POLE: variants seen among roughly 807,000 people sequenced by gnomAD.
POLE encodes DNA polymerase epsilon catalytic subunit A.
POLE carries 188 observed loss-of-function variants against 279.2 expected under a neutral mutation model. The observed-to-expected ratio is 0.67, with a 90% CI of 0.60 to 0.76. The LOEUF (loss-of-function observed/expected upper bound fraction) is 0.76. POLE is among the 30% of genes least tolerant of loss of function. The pLI is 0.00. For missense variants in POLE, 2,703 were observed against 3,016.7 expected (o/e 0.90, Z 2.44); for synonymous variants, 1,214 against 1,172.5 (o/e 1.04, Z -0.72).
intron 45 of POLE, among the ~76,000 whole-genome samples, chr12:132,628,327 G>A (rs1009129836): frequency 2.7e-5 from 4 of 148,374 alleles, no homozygotes; most frequent in Admixed American, 6.8e-5. Flanking sequence ...GCGAGAGTGC[G>A]AGACTCCATC....
At chr12:132,663,643 G>T (rs2042726642) in intron 23 of POLE, among the ~76,000 whole-genome samples, 2 of 152,172 alleles carry the variant, frequency 1.3e-5, no homozygotes, top group South Asian at 4.1e-4. Context: ...CAGTTACTGG[G>T]GCACAGACAT....
rs2042674059 is a variant in POLE, at chr12:132,661,204, A to G, written c.2865-40T>C. On this transcript the variant is annotated intron_variant, in intron 24 of 48. Transcript: ENST00000320574. The surrounding 1 kb of genome is among the most constrained non-coding windows in gnomAD (Gnocchi z 4.1). ...AAAGGCAAGCACAGCAGTGGCAAGG[A>G]GCGCTGGGGAGCCACCAGCTGTGCC... The G allele has an allele frequency of 6.6e-7, 1 of 1,521,068 alleles. No homozygotes were observed. Among genetic ancestry groups the G allele is most frequent in the Non-Finnish European group, 8.8e-7 (1 of 1,130,264 alleles). 94.2% of individuals were successfully genotyped at this position (1,521,068 alleles called of 1,614,324 possible). A position where few individuals can be genotyped will look rare whatever the true frequency, so the allele number is the denominator to read the frequency against.
intron 44 of POLE, 78 bp from the exon 45 acceptor site, chr12:132,632,586 C>G (rs1430900339): frequency 6.2e-7 from 1 of 1,608,426 alleles, no homozygotes; most frequent in African/African-American, 1.3e-5. Flanking sequence ...GGACTGGCAC[C>G]GGGGACCACC....
chr12:132,686,819 C>T (rs1255681186), intron 1 of POLE, among the ~76,000 whole-genome samples: 1 of 152,110 alleles, frequency 6.6e-6, no homozygotes, highest in Non-Finnish European at 1.5e-5. Flanking sequence ...GCGATCCGCC[C>T]GCCTCGGCCT....
At chr12:132,630,720 C>CA (rs1473281071) in intron 45 of POLE, among the ~76,000 whole-genome samples, 11 of 151,826 alleles carry the variant, frequency 7.2e-5, no homozygotes, top group Admixed American at 3.9e-4. Flanking sequence ...TCTCCATCTC[C>CA]AAAAAAAAGC....
intron 25 of POLE, 36 bp downstream of exon 25, chr12:132,660,933 C>G (rs2138687773): frequency 6.6e-7 from 1 of 1,521,396 alleles, no homozygotes; most frequent in Non-Finnish European, 8.8e-7. Context: ...ATCCTTCATC[C>G]CTCAGAGCAG....
intron 46 of POLE, 79 bp from the exon 47 acceptor site, chr12:132,625,849 A>G: frequency 1.3e-6 from 2 of 1,547,292 alleles, no homozygotes; most frequent in Non-Finnish European, 1.7e-6. Context: ...CAGGAGAGGA[A>G]GGGGCTGTGA....
chr12:132,635,864 C>A, intron 42 of POLE, 28 bp downstream of exon 42: 1 of 1,590,630 alleles, frequency 6.3e-7, no homozygotes, highest in South Asian at 1.1e-5. Flanking sequence ...CCAAAGCTGG[C>A]TCGGGTGCCA....
Position 132,643,128 on chromosome 12 carries a change from G to A in POLE, c.4551+96C>T. On this transcript the variant is annotated intron_variant, in intron 35 of 48. Transcript: ENST00000320574. ...AGCACTCATGGGCAAAGGCCCTTGA[G>A]GACAAGACCTGGAGGGCCTGGGCAC... is the stretch of plus-strand genomic sequence containing the variant. 5 of 1,487,578 alleles carry A rather than the reference G, an allele frequency of 3.4e-6. No individual in the cohort carries two copies. The East Asian group carries it at 1.2e-4, about 36-fold the overall frequency. 92.1% of individuals were successfully genotyped at this position (1,487,578 alleles called of 1,614,324 possible). A position where few individuals can be genotyped will look rare whatever the true frequency, so the allele number is the denominator to read the frequency against.
At chr12:132,663,776 A>G (rs1176014293) in intron 23 of POLE, among the ~76,000 whole-genome samples, 3 of 152,220 alleles carry the variant, frequency 2.0e-5, no homozygotes, top group Non-Finnish European at 2.9e-5. Context: ...GTTTAAAATT[A>G]TTTCAAAATA....
chr12:132,670,642 C>T (rs1241891496), intron 16 of POLE, among the ~76,000 whole-genome samples: 1 of 151,684 alleles, frequency 6.6e-6, no homozygotes, highest in African/African-American at 2.4e-5. Context: ...AGGTGCCCGC[C>T]ACCACGCCCG....
chr12:132,649,732 G>T lies in POLE; in HGVS notation c.3740C>A (p.Pro1247Gln), dbSNP rs572986717. 6.2e-7 allele frequency: 1 copy of T among 1,614,192 alleles called. No individual in the cohort carries two copies. Among genetic ancestry groups the T allele is most frequent in the East Asian group, 2.2e-5 (1 of 44,880 alleles). Residue 1247 changes from proline to glutamine, a missense_variant, in exon 30 of 49, where the codon CCG (proline) becomes CAG (glutamine). This residue lies in a region of POLE where 1,551 missense variants were observed against 1,686.1 expected (regional missense o/e 0.92). Coordinates refer to ENST00000320574, the MANE Select transcript of POLE (RefSeq NM_006231.4). ...ESQEESQDLT[P>Q]TVPWQEILGQ... ...CAAGATTTCCTGCCAGGGCACAGTC[G>T]GCGTGAGGTCCTGGGACTCCTCCTG...
rs1234438230 is a variant in POLE, at chr12:132,649,996, G to A, written c.3583-107C>T. 8.5e-6 allele frequency: 8 copies of A among 937,552 alleles called. No homozygotes were observed. In the Admixed American group the frequency reaches 9.4e-5, roughly 11 times the overall value. The allele number at this position is 937,552 out of a possible 1,614,324, so 58.1% of individuals were successfully genotyped here. On this transcript the variant is annotated intron_variant, in intron 29 of 48. Coordinates refer to ENST00000320574, the MANE Select transcript of POLE (RefSeq NM_006231.4). ...GAGGCCAAGACAGGAGAATTGCTTG[G>A]GGCCAGGAGTTTGAGACCAGCCTGG... is the stretch of plus-strand genomic sequence containing the variant.
At position 132,638,167 on chromosome 12, in the gene POLE, G is replaced by C. The variant is rs758627037; in HGVS notation, c.5553-28C>G. 10 of 1,610,596 alleles carry C rather than the reference G, an allele frequency of 6.2e-6. 1 individual carries two copies. In the South Asian group the frequency reaches 1.1e-4, roughly 18 times the overall value. On this transcript the variant is annotated intron_variant, in intron 40 of 48. Coordinates refer to ENST00000320574, the MANE Select transcript of POLE (RefSeq NM_006231.4). ...GTGGAGCAAGTTGAGAGTCCGTGGT[G>C]GAGACGCCACAGTCATGGAGAGCCA...
chr12:132,679,395 C>T, intron 6 of POLE, 102 bp downstream of exon 6: 4 of 1,183,512 alleles, frequency 3.4e-6, no homozygotes, highest in East Asian at 2.4e-5. Context: ...CCGTATCAAA[C>T]AGAGCCAGCC....
chr12:132,674,670 C>T (rs117027640), intron 12 of POLE, among the ~76,000 whole-genome samples: 1,748 of 152,308 alleles, frequency 0.011, 16 homozygotes, highest in Non-Finnish European at 0.016. Flanking sequence ...ACTGTCACAC[C>T]GTCACACGCT....
At chr12:132,680,269 G>A (rs777404615) in intron 3 of POLE, 47 bp from the exon 4 acceptor site, 50 of 1,568,178 alleles carry the variant, frequency 3.2e-5, no homozygotes, top group Non-Finnish European at 4.3e-5. Flanking sequence ...AAAGAAGAAA[G>A]CGAGAGAAAA....
In POLE at chr12:132,676,567, A is replaced by C; in HGVS notation, c.888T>G (p.Ile296Met). ...TCACCTGGCCATCGATCATGTAGGA[A>C]ATCATCATAATCTGGTCTGTCTCAG... ...PDAETDQIMM[I>M]SYMIDGQGYL... is the part of the protein sequence containing the mutation. Residue 296 changes from isoleucine (I) to methionine (M), a missense_variant, in exon 9 of 49, where the codon ATT (isoleucine) becomes ATG (methionine). By Grantham distance (10) the Ile-to-Met change is conservative (BLOSUM62 1). Coordinates refer to ENST00000320574, the MANE Select transcript of POLE (RefSeq NM_006231.4). 1 of 1,613,136 alleles carries C rather than the reference A, an allele frequency of 6.2e-7. No individual in the cohort carries two copies. Among genetic ancestry groups the C allele is most frequent in the South Asian group, 1.1e-5 (1 of 91,066 alleles).
chr12:132,683,917 T>C (rs1291114605), intron 1 of POLE, among the ~76,000 whole-genome samples: 2 of 152,038 alleles, frequency 1.3e-5, no homozygotes, highest in Non-Finnish European at 2.9e-5. Context: ...GACTGGTTAC[T>C]ATATCACACC....
Sources: allele counts gnomAD v4.1 joint callset (sites outside exome capture counted in the v4.1 genomes callset), GRCh38; gene constraint gnomAD v4.1.1; regional missense constraint gnomAD v4.1.1; non-coding constraint Gnocchi (gnomAD v3.1); transcripts MANE v1.5; gene names NCBI Gene and HGNC (gene_info 2026-07-23, HGNC 2026-07-21).